Variants in ELOVL6 observed in about 807,000 individuals in gnomAD.
ELOVL6 encodes very long chain fatty acid elongase 6.
In ELOVL6, 8 loss-of-function variants were observed where a neutral mutation model predicts 31.7. That is an observed-to-expected ratio of 0.25 (90% CI 0.15 to 0.45). The LOEUF (loss-of-function observed/expected upper bound fraction) is 0.45, where lower values mean the gene tolerates loss of function less well. Ranked by LOEUF, ELOVL6 falls within the 20% of genes least tolerant of loss-of-function variation. ELOVL6 has a pLI of 1.00. For missense variants in ELOVL6, 126 were observed against 326.4 expected (o/e 0.39, Z 4.73); for synonymous variants, 101 against 117.7 (o/e 0.86, Z 0.92).
At chr4:110,185,187 A>G (rs1759402834) in intron 1 of ELOVL6, among the ~76,000 whole-genome samples, 1 of 152,244 alleles carries the variant, frequency 6.6e-6, no homozygotes, top group Non-Finnish European at 1.5e-5. Context: ...CACACATAAT[A>G]TCAGCAATCA....
chr4:110,075,909 A>G (rs1265271746), intron 2 of ELOVL6, among the ~76,000 whole-genome samples: 1 of 152,232 alleles, frequency 6.6e-6, no homozygotes, highest in Non-Finnish European at 1.5e-5. Flanking sequence ...TTGGGACAAA[A>G]AAAAGTCCAA....
intron 2 of ELOVL6, among the ~76,000 whole-genome samples, chr4:110,082,545 G>T (rs1755896455): frequency 6.6e-6 from 1 of 151,956 alleles, no homozygotes; most frequent in Non-Finnish European, 1.5e-5. Context: ...ATTGAACAAT[G>T]AGAACACATG....
chr4:110,099,671 G>A (rs1023909818), intron 2 of ELOVL6, among the ~76,000 whole-genome samples: 1 of 152,188 alleles, frequency 6.6e-6, no homozygotes, highest in South Asian at 2.1e-4. Context: ...CCTCAAAGAT[G>A]GCTTCTTGGA....
At chr4:110,160,961 G>A (rs1758614504) in intron 1 of ELOVL6, among the ~76,000 whole-genome samples, 1 of 152,170 alleles carries the variant, frequency 6.6e-6, no homozygotes, top group Non-Finnish European at 1.5e-5. Context: ...CAGTACTAAA[G>A]AATAAATAGA....
chr4:110,196,376 CG>C (rs1759783564), intron 1 of ELOVL6, among the ~76,000 whole-genome samples: 1 of 152,168 alleles, frequency 6.6e-6, no homozygotes, highest in Admixed American at 6.5e-5. Flanking sequence ...GACCCGGGCC[CG>C]GGGCTAGCCA....
intron 1 of ELOVL6, among the ~76,000 whole-genome samples, chr4:110,171,601 G>T (rs1360841042): frequency 6.6e-6 from 1 of 151,658 alleles, no homozygotes. Context: ...GTGCACGTAG[G>T]GAGGACGTGG....
chr4:110,078,044 G>T (rs1238913150), intron 2 of ELOVL6, among the ~76,000 whole-genome samples: 5 of 152,094 alleles, frequency 3.3e-5, no homozygotes, highest in African/African-American at 1.2e-4. Flanking sequence ...AGAGAAAAAA[G>T]AATAAAAAGA....
chr4:110,119,325 T>TC (rs1463409375), intron 1 of ELOVL6, among the ~76,000 whole-genome samples: 1 of 152,144 alleles, frequency 6.6e-6, no homozygotes, highest in Non-Finnish European at 1.5e-5. Context: ...AAAGGTGGTA[T>TC]CACATGATAA....
At chr4:110,059,550 C>A in intron 3 of ELOVL6, 53 bp downstream of exon 3, 1 of 1,554,820 alleles carries the variant, frequency 6.4e-7, no homozygotes, top group Non-Finnish European at 8.7e-7. Flanking sequence ...TAAATAAATA[C>A]TGTGGATATG....
intron 1 of ELOVL6, among the ~76,000 whole-genome samples, chr4:110,117,152 A>G (rs1757191436): frequency 6.6e-6 from 1 of 152,188 alleles, no homozygotes; most frequent in Admixed American, 6.5e-5. Flanking sequence ...GCAGTTGGCT[A>G]CTGGCAGGTG....
intron 2 of ELOVL6, among the ~76,000 whole-genome samples, chr4:110,097,635 T>C (rs950160103): frequency 3.9e-5 from 6 of 152,134 alleles, no homozygotes; most frequent in African/African-American, 1.4e-4. Flanking sequence ...GTCAGTGTGC[T>C]GGAGATGTTA....
At chr4:110,141,591 G>A (rs1427243648) in intron 1 of ELOVL6, among the ~76,000 whole-genome samples, 1 of 151,448 alleles carries the variant, frequency 6.6e-6, no homozygotes, top group African/African-American at 2.4e-5. Flanking sequence ...TCCTAACCTT[G>A]AGAATCACTG....
At chr4:110,089,714 G>A (rs918332178) in intron 2 of ELOVL6, among the ~76,000 whole-genome samples, 1 of 152,192 alleles carries the variant, frequency 6.6e-6, no homozygotes, top group Non-Finnish European at 1.5e-5. Context: ...CTTATGGGTA[G>A]ATGGGCCAAC....
chr4:110,114,276 T>G (rs1757115824), intron 1 of ELOVL6, among the ~76,000 whole-genome samples: 1 of 152,166 alleles, frequency 6.6e-6, no homozygotes, highest in Admixed American at 6.5e-5. Context: ...AATATAAAAT[T>G]TTATTGGGCT....
intron 2 of ELOVL6, among the ~76,000 whole-genome samples, chr4:110,071,450 C>T (rs1330789189): frequency 6.6e-6 from 1 of 152,146 alleles, no homozygotes; most frequent in East Asian, 1.9e-4. Flanking sequence ...GTTATTTTTA[C>T]TGGAGCAAGT....
intron 2 of ELOVL6, among the ~76,000 whole-genome samples, chr4:110,061,972 C>A (rs948251680): frequency 2.0e-5 from 3 of 152,030 alleles, no homozygotes; most frequent in African/African-American, 7.3e-5. Flanking sequence ...GTAATTTATT[C>A]CCAATTTCTA....
chr4:110,152,795 TGTTAG>T (rs1188399316), intron 1 of ELOVL6, among the ~76,000 whole-genome samples: 4 of 152,248 alleles, frequency 2.6e-5, no homozygotes, highest in Non-Finnish European at 5.9e-5. Context: ...CATGCACTTA[TGTTAG>T]AAGGCTAAAA....
At chr4:110,084,554 A>AGATATATATTTT (rs1421060434) in intron 2 of ELOVL6, among the ~76,000 whole-genome samples, 3 of 69,988 alleles carry the variant, frequency 4.3e-5, no homozygotes, top group African/African-American at 2.9e-4. Flanking sequence ...ACACACACAC[A>AGATATATATTTT]CACACACAGA....
At chr4:110,098,989 T>C (rs1176458052) in intron 2 of ELOVL6, among the ~76,000 whole-genome samples, 1 of 152,186 alleles carries the variant, frequency 6.6e-6, no homozygotes, top group African/African-American at 2.4e-5. Context: ...ATGTACAAAC[T>C]GATTTCATTG....
Sources: gnomAD v4.1 joint callset for allele counts (sites outside exome capture counted in the v4.1 genomes callset) on GRCh38, gnomAD v4.1.1 for gene constraint, MANE v1.5 for transcripts, NCBI Gene and HGNC (gene_info 2026-07-23, HGNC 2026-07-21) for gene names.